The following XRCC5 variants were observed in gnomAD, a reference collection of about 807,000 sequenced individuals.
XRCC5 encodes the protein DNA repair protein Ku80.
A neutral mutation model predicts 95.7 loss-of-function variants in XRCC5; 12 were observed. The observed-to-expected ratio is 0.13, with a 90% CI of 0.08 to 0.20. The LOEUF (loss-of-function observed/expected upper bound fraction) is 0.20, where lower values mean the gene tolerates loss of function less well. Among genes scored for constraint, XRCC5 ranks in the 10% least tolerant of loss-of-function variants. The probability of loss-of-function intolerance (pLI) is 1.00; values close to 1 mark genes in which losing one functional copy is unlikely to be tolerated. For missense variants in XRCC5, 595 were observed against 873.9 expected (o/e 0.68, Z 4.02); for synonymous variants, 281 against 290.3 (o/e 0.97, Z 0.33).
intron 13 of XRCC5, among the ~76,000 whole-genome samples, chr2:216,144,262 T>C (rs1298367626): frequency 6.6e-6 from 1 of 152,164 alleles, no homozygotes; most frequent in Admixed American, 6.5e-5. Context: ...CATGAAAATA[T>C]GAAGAGCCAG....
At chr2:216,129,277 C>T (rs2106008058) in intron 8 of XRCC5, among the ~76,000 whole-genome samples, 1 of 152,312 alleles carries the variant, frequency 6.6e-6, no homozygotes, top group East Asian at 1.9e-4. Context: ...AGAAGTGCAT[C>T]TTTTCTCCTG....
intron 16 of XRCC5, among the ~76,000 whole-genome samples, chr2:216,179,758 A>G (rs1689347909): frequency 6.6e-6 from 1 of 152,192 alleles, no homozygotes; most frequent in East Asian, 1.9e-4. Flanking sequence ...CATATCACAT[A>G]AGGCCTCCTA....
At chr2:216,187,489 TGTGTGTGTGTGTGTGTGTG>T (rs1689517937) in intron 16 of XRCC5, among the ~76,000 whole-genome samples, 1 of 105,158 alleles carries the variant, frequency 9.5e-6, no homozygotes, top group Non-Finnish European at 1.9e-5. Flanking sequence ...TGTGTGTGTG[TGTGTGTGTGTGTGTGTGTG>T]TGTGTGTGTG....
intron 16 of XRCC5, among the ~76,000 whole-genome samples, chr2:216,172,848 G>A (rs1190767301): frequency 6.6e-6 from 1 of 152,044 alleles, no homozygotes; most frequent in African/African-American, 2.4e-5. Flanking sequence ...AGGGAAAATT[G>A]CCATTTTAAT....
intron 2 of XRCC5, 60 bp downstream of exon 2, chr2:216,113,189 C>T (rs959218636): frequency 4.2e-6 from 6 of 1,416,786 alleles, no homozygotes; most frequent in Non-Finnish European, 6.0e-6. Context: ...TTGCCTCTAC[C>T]TACTAATGCA....
At chr2:216,142,184 T>G (rs1033811192) in intron 13 of XRCC5, among the ~76,000 whole-genome samples, 6 of 152,238 alleles carry the variant, frequency 3.9e-5, no homozygotes, top group African/African-American at 1.4e-4. Context: ...TTTCAGGCTT[T>G]TCTCCTGTAT....
chr2:216,138,193 C>T lies in XRCC5; in HGVS notation c.1342+14C>T, dbSNP rs1393959527. 2 of 1,605,338 alleles carry T rather than the reference C, an allele frequency of 1.2e-6. No individual in the cohort carries two copies. The highest frequency in any genetic ancestry group is 1.7e-6 in the Non-Finnish European group (2 of 1,174,088). ...ATGCTCCCACCGGTGAGTTTGTTTT[C>T]ATTTAGATCACTCATTGACTACACA... On this transcript the variant is annotated intron_variant, in intron 12 of 20. Coordinates refer to ENST00000392132, the MANE Select transcript of XRCC5 (RefSeq NM_021141.4).
rs143676589 is a variant in XRCC5 at position 216,141,203 on chromosome 2, G to A, written c.1360G>A (p.Val454Ile). The A allele has an allele frequency of 1.9e-4, 307 of 1,614,046 alleles. No homozygotes were observed. Among genetic ancestry groups the A allele is most frequent in the Non-Finnish European group, 2.0e-4 (233 of 1,180,020 alleles). Reference protein sequence around the residue: ...YAPTEAQLNAVDALIDSMSLA... With the variant: ...YAPTEAQLNAIDALIDSMSLA... ...TGTTTAAGAGGCACAGTTGAATGCT[G>A]TTGATGCTTTGATTGACTCCATGAG... Residue 454 changes from valine (V) to isoleucine (I), a missense_variant, in exon 13 of 21, where the codon GTT (valine) becomes ATT (isoleucine). Val to Ile is a conservative substitution (Grantham distance 29). Coordinates refer to ENST00000392132, the MANE Select transcript of XRCC5 (RefSeq NM_021141.4).
intron 5 of XRCC5, among the ~76,000 whole-genome samples, chr2:216,120,946 G>A (rs1238689688): frequency 1.3e-5 from 2 of 152,110 alleles, no homozygotes; most frequent in Non-Finnish European, 2.9e-5. Flanking sequence ...ATGTTGGCCA[G>A]GCTGGTCTTG....
chr2:216,182,272 T>C (rs190383886), intron 16 of XRCC5, among the ~76,000 whole-genome samples: 167 of 152,338 alleles, frequency 1.1e-3, no homozygotes, highest in Non-Finnish European at 2.0e-3. Flanking sequence ...CATTGCCAGA[T>C]TGATTTTGTG....
chr2:216,118,977 G>A (rs55885859), intron 4 of XRCC5, 66 bp from the exon 5 acceptor site: 3 of 1,551,484 alleles, frequency 1.9e-6, no homozygotes, highest in Non-Finnish European at 2.7e-6. Flanking sequence ...GTGACCAAGT[G>A]TATTTGAATT....
At chr2:216,132,469 A>G in intron 10 of XRCC5, 82 bp downstream of exon 10, 3 of 1,386,328 alleles carry the variant, frequency 2.2e-6, no homozygotes, top group South Asian at 2.3e-5. Context: ...GGGCTTTTAT[A>G]GTTTAAAATG....
At chr2:216,117,879 AT>A (rs1696729775) in intron 4 of XRCC5, 85 bp downstream of exon 4, 1 of 1,353,258 alleles carries the variant, frequency 7.4e-7, no homozygotes, top group African/African-American at 1.4e-5. Flanking sequence ...TTTGTGATTC[AT>A]TGTTAATCAA....
At chr2:216,170,897 T>G (rs1457618231) in intron 16 of XRCC5, among the ~76,000 whole-genome samples, 1 of 152,218 alleles carries the variant, frequency 6.6e-6, no homozygotes, top group African/African-American at 2.4e-5. Flanking sequence ...CAGTTCTTCC[T>G]TCCATGGTAG....
At chr2:216,160,209 G>A (rs1205459548) in intron 15 of XRCC5, 48 bp downstream of exon 15, 1 of 1,332,666 alleles carries the variant, frequency 7.5e-7, no homozygotes, top group Non-Finnish European at 1.0e-6. Context: ...GGAAGGTTGG[G>A]GCTTGAGGGA....
intron 16 of XRCC5, among the ~76,000 whole-genome samples, chr2:216,187,592 C>A (rs1019645441): frequency 6.7e-6 from 1 of 148,570 alleles, no homozygotes; most frequent in African/African-American, 2.5e-5. Flanking sequence ...TTTGTTTTTT[C>A]GCAAAGCAAT....
Position 216,205,349 on chromosome 2 carries a change from C to T in XRCC5, c.*147C>T. 1 of 875,316 alleles carries T rather than the reference C, an allele frequency of 1.1e-6. No homozygotes were observed. The highest frequency in any genetic ancestry group is 1.8e-5 in the Admixed American group (1 of 55,830). 54.2% of individuals were successfully genotyped at this position (875,316 alleles called of 1,614,324 possible). On this transcript the variant is annotated 3_prime_UTR_variant, in exon 21 of 21. Transcript: ENST00000392132. ...ACCTGGAGGCGGATCATCTAATTCT[C>T]TGTGGAATGAATACACACATATATA...
intron 3 of XRCC5, 166 bp downstream of exon 3, chr2:216,117,008 A>C: frequency 1.4e-6 from 1 of 703,200 alleles, no homozygotes; most frequent in Non-Finnish European, 2.3e-6. Flanking sequence ...GAAATTAATC[A>C]GTTTAAAACA....
At chr2:216,179,938 G>A (rs916474171) in intron 16 of XRCC5, among the ~76,000 whole-genome samples, 2 of 152,168 alleles carry the variant, frequency 1.3e-5, no homozygotes, top group Non-Finnish European at 1.5e-5. Flanking sequence ...GTAAGAAGAG[G>A]TCCGATTTTT....
Sources: allele counts gnomAD v4.1 joint callset (sites outside exome capture counted in the v4.1 genomes callset), GRCh38; gene constraint gnomAD v4.1.1; transcripts MANE v1.5; gene names NCBI Gene and HGNC (gene_info 2026-07-23, HGNC 2026-07-21).